TRPC7: variants seen among roughly 807,000 people sequenced by gnomAD.
The protein encoded by TRPC7 is short transient receptor potential channel 7.
Under a neutral mutation model 90.1 loss-of-function variants are expected in TRPC7, and 42 were observed. The observed-to-expected ratio is 0.47, with a 90% CI of 0.36 to 0.60. TRPC7 has a LOEUF of 0.60. Among genes scored for constraint, TRPC7 ranks in the 20% least tolerant of loss-of-function variants. The pLI is 0.00. For synonymous variants in TRPC7, 451 were observed against 436.3 expected, an observed-to-expected ratio of 1.03 and a Z score of -0.42; for missense variants, 955 against 1,112.3, an observed-to-expected ratio of 0.86 and a Z score of 2.01.
At chr5:136,358,394 G>A (rs1247347770) in intron 1 of TRPC7, among the ~76,000 whole-genome samples, 2 of 152,132 alleles carry the variant, frequency 1.3e-5, no homozygotes, top group African/African-American at 2.4e-5. Context: ...TATACTAAGA[G>A]CTTCACATAT....
At chr5:136,241,222 T>C (rs1756151927) in intron 7 of TRPC7, among the ~76,000 whole-genome samples, 1 of 152,252 alleles carries the variant, frequency 6.6e-6, no homozygotes, top group Admixed American at 6.5e-5. Flanking sequence ...ATTAAAATGA[T>C]TCCTGGGGAG....
At chr5:136,280,251 C>A (rs972888228) in intron 3 of TRPC7, among the ~76,000 whole-genome samples, 74 of 152,176 alleles carry the variant, frequency 4.9e-4, no homozygotes, top group African/African-American at 1.6e-3. Flanking sequence ...ATCTTGGACA[C>A]CTATGGGTCT....
chr5:136,214,360 G>C (rs1467167868), intron 11 of TRPC7: 1 of 152,238 alleles, frequency 6.6e-6, no homozygotes, highest in Non-Finnish European at 1.5e-5. Flanking sequence ...TAATACTGTA[G>C]ATACTGCACT....
chr5:136,268,136 G>A (rs1175692212), intron 4 of TRPC7, among the ~76,000 whole-genome samples: 5 of 152,184 alleles, frequency 3.3e-5, no homozygotes, highest in Non-Finnish European at 7.3e-5. Flanking sequence ...CTAGTTTGAA[G>A]TTTTTGACAT....
chr5:136,264,738 G>A (rs1298365819), intron 5 of TRPC7, among the ~76,000 whole-genome samples: 2 of 151,952 alleles, frequency 1.3e-5, no homozygotes, highest in African/African-American at 2.4e-5. Flanking sequence ...GATTACAGGC[G>A]CACACCACCA....
At chr5:136,281,352 C>T (rs62385794) in intron 3 of TRPC7, among the ~76,000 whole-genome samples, 3,165 of 152,332 alleles carry the variant, frequency 0.021, 61 homozygotes, top group Middle Eastern at 0.085. Context: ...CACTTCTTTG[C>T]CAGGACCCAG....
chr5:136,257,772 A>G (rs1460915514), intron 5 of TRPC7, among the ~76,000 whole-genome samples: 1 of 152,208 alleles, frequency 6.6e-6, no homozygotes, highest in Non-Finnish European at 1.5e-5. Context: ...TGCAACCGGT[A>G]TTTTTTAAAT....
At chr5:136,246,687 G>T (rs1215436952) in intron 7 of TRPC7, among the ~76,000 whole-genome samples, 1 of 152,032 alleles carries the variant, frequency 6.6e-6, no homozygotes, top group African/African-American at 2.4e-5. Flanking sequence ...ATTTCCCTTA[G>T]ATTGCAACTC....
chr5:136,328,065 G>A (rs777014636), intron 2 of TRPC7, among the ~76,000 whole-genome samples: 13 of 152,202 alleles, frequency 8.5e-5, no homozygotes, highest in South Asian at 4.1e-4. Flanking sequence ...AACCTTCACC[G>A]TATCAATAAA....
chr5:136,363,797 A>T (rs1156449047), intron 1 of TRPC7, among the ~76,000 whole-genome samples: 1 of 152,164 alleles, frequency 6.6e-6, no homozygotes, highest in Non-Finnish European at 1.5e-5. Flanking sequence ...ATCCAAATAT[A>T]ACTAGTGCTT....
intron 3 of TRPC7, among the ~76,000 whole-genome samples, chr5:136,302,773 A>G (rs1758444835): frequency 6.6e-6 from 1 of 152,184 alleles, no homozygotes; most frequent in African/African-American, 2.4e-5. Context: ...TTCTTTTCGT[A>G]AAATGGGCAA....
chr5:136,268,822 CTT>C (rs1757117198), intron 4 of TRPC7, among the ~76,000 whole-genome samples: 1 of 152,194 alleles, frequency 6.6e-6, no homozygotes, highest in African/African-American at 2.4e-5. Context: ...AATTGATATT[CTT>C]TTCCTATACT....
chr5:136,297,891 T>C (rs983321813), intron 3 of TRPC7, among the ~76,000 whole-genome samples: 10 of 152,344 alleles, frequency 6.6e-5, no homozygotes, highest in African/African-American at 2.4e-4. Flanking sequence ...CATTTAGGAA[T>C]GCATCTCATC....
At chr5:136,312,967 T>C (rs1423188906) in intron 3 of TRPC7, among the ~76,000 whole-genome samples, 3 of 140,144 alleles carry the variant, frequency 2.1e-5, no homozygotes, top group African/African-American at 5.3e-5. Flanking sequence ...ATTAGAGTAG[T>C]GATTCTTTTT....
At chr5:136,321,583 T>TA (rs1759200791) in intron 2 of TRPC7, among the ~76,000 whole-genome samples, 1 of 152,092 alleles carries the variant, frequency 6.6e-6, no homozygotes, top group Non-Finnish European at 1.5e-5. Flanking sequence ...GATAAAAACT[T>TA]AAAAACTGAT....
In TRPC7 at chr5:136,247,802, G is replaced by A; in HGVS notation, c.1580-67C>T. 1 of 1,541,488 alleles carries A rather than the reference G, an allele frequency of 6.5e-7. No homozygotes were observed. Among genetic ancestry groups the A allele is most frequent in the Non-Finnish European group, 8.8e-7 (1 of 1,142,544 alleles). ...CTATTCTAGAAGAGAAACCAGTTAG[G>A]CATCTTTAGAGGTCTCCAACTGCAT... On this transcript the variant is annotated intron_variant, in intron 6 of 11. Coordinates refer to ENST00000513104, the MANE Select transcript of TRPC7 (RefSeq NM_020389.3). The surrounding 1 kb of genome is among the most constrained non-coding windows in gnomAD (Gnocchi z 4.2).
At chr5:136,280,690 C>T (rs1757521246) in intron 3 of TRPC7, among the ~76,000 whole-genome samples, 1 of 152,152 alleles carries the variant, frequency 6.6e-6, no homozygotes, top group Non-Finnish European at 1.5e-5. Flanking sequence ...AGGATTATCT[C>T]TTGGATTAGA....
At chr5:136,261,556 C>G (rs924205248) in intron 5 of TRPC7, among the ~76,000 whole-genome samples, 7 of 152,204 alleles carry the variant, frequency 4.6e-5, no homozygotes, top group African/African-American at 1.7e-4. Context: ...TGTCATGTCT[C>G]TGGCCTCATC....
intron 2 of TRPC7, among the ~76,000 whole-genome samples, chr5:136,316,388 C>T (rs1365768972): frequency 6.6e-6 from 1 of 152,024 alleles, no homozygotes; most frequent in Non-Finnish European, 1.5e-5. Context: ...TTTTTGTGTG[C>T]CAGAAAATCG....
Sources: gnomAD v4.1 joint callset for allele counts (sites outside exome capture counted in the v4.1 genomes callset) on GRCh38, gnomAD v4.1.1 for gene constraint, Gnocchi (gnomAD v3.1) non-coding constraint, MANE v1.5 for transcripts, NCBI Gene and HGNC (gene_info 2026-07-23, HGNC 2026-07-21) for gene names.